The following ABHD17C variants were observed in gnomAD, a reference collection of about 807,000 sequenced individuals.
The protein encoded by ABHD17C is alpha/beta hydrolase domain-containing protein 17C.
A neutral mutation model predicts 27.9 loss-of-function variants in ABHD17C; 11 were observed. The ratio of observed to expected loss-of-function variants is 0.39; its 90% CI spans 0.25 to 0.65. The LOEUF (loss-of-function observed/expected upper bound fraction) is 0.65. Ranked by LOEUF, ABHD17C falls within the 30% of genes least tolerant of loss-of-function variation. The probability of loss-of-function intolerance (pLI) is 0.45; values close to 1 mark genes in which losing one functional copy is unlikely to be tolerated. For synonymous variants in ABHD17C, 233 were observed against 209.1 expected (o/e 1.11, Z -0.98); for missense variants, 280 against 470.2 (o/e 0.60, Z 3.74).
At chr15:80,705,333 T>TTTTGTGTGTGTGTG (rs10523879) in intron 1 of ABHD17C, among the ~76,000 whole-genome samples, 7 of 106,822 alleles carry the variant, frequency 6.6e-5, no homozygotes, top group Admixed American at 9.9e-5. Context: ...TTCCTATGAT[T>TTTTGTGTGTGTGTG]TGTGTGTGTG....
intron 1 of ABHD17C, among the ~76,000 whole-genome samples, chr15:80,709,034 G>T (rs546980571): frequency 7.9e-5 from 12 of 152,290 alleles, no homozygotes; most frequent in African/African-American, 2.9e-4. Context: ...GGAAGTTTCT[G>T]CGAATCTCCT....
intron 2 of ABHD17C, among the ~76,000 whole-genome samples, chr15:80,752,863 G>A (rs1567040282): frequency 1.3e-5 from 2 of 152,114 alleles, no homozygotes; most frequent in Non-Finnish European, 2.9e-5. Context: ...TTCCTCTTTT[G>A]GATATGCTTT....
Position 80,754,527 on chromosome 15 carries a change from GTAT to G in ABHD17C, c.*158_*160del, listed in dbSNP as rs1895409151. On this transcript the variant is annotated 3_prime_UTR_variant, in exon 3 of 3. Transcript: ENST00000258884. ...AGAGCTGATGAAATCTCAGTCTTTTGTATCTAGAGGTGGTTCTGCTAATTCACA... is the reference window on the plus strand; with the variant it reads ...AGAGCTGATGAAATCTCAGTCTTTTGCTAGAGGTGGTTCTGCTAATTCACA... The G allele has an allele frequency of 1.6e-6, 1 of 629,312 alleles. No individual in the cohort carries two copies. Among genetic ancestry groups the G allele is most frequent in the Non-Finnish European group, 2.7e-6 (1 of 366,210 alleles). 39.0% of individuals were successfully genotyped at this position (629,312 alleles called of 1,614,324 possible). A position where few individuals can be genotyped will look rare whatever the true frequency, so the allele number is the denominator to read the frequency against.
rs1895416384 is a variant in ABHD17C, at chr15:80,755,125, T to G, written c.*755T>G. On this transcript the variant is annotated 3_prime_UTR_variant, in exon 3 of 3. Transcript: ENST00000258884. ...AGTACTGTACATATTTGCAATCACA[T>G]TGTGCATAGATTCTTAATGGTAGAT... 1 of 152,198 alleles carries G rather than the reference T, an allele frequency of 6.6e-6. No homozygotes were observed. The highest frequency in any genetic ancestry group is 2.4e-5 in the African/African-American group (1 of 41,452). The allele number at this position is 152,198 out of a possible 1,614,324, so 9.4% of individuals were successfully genotyped here.
chr15:80,732,747 G>T (rs190962230), intron 1 of ABHD17C, among the ~76,000 whole-genome samples: 1 of 152,312 alleles, frequency 6.6e-6, no homozygotes, highest in African/African-American at 2.4e-5. Flanking sequence ...CCAGCGGAAA[G>T]TGTCTGTTTA....
At chr15:80,734,140 A>G (rs1024797252) in intron 1 of ABHD17C, among the ~76,000 whole-genome samples, 4 of 152,204 alleles carry the variant, frequency 2.6e-5, no homozygotes, top group Middle Eastern at 6.8e-3. Flanking sequence ...GTGCACCACC[A>G]TGCCGGACTA....
At chr15:80,711,462 T>C (rs575697534) in intron 1 of ABHD17C, among the ~76,000 whole-genome samples, 19 of 152,200 alleles carry the variant, frequency 1.2e-4, no homozygotes, top group Non-Finnish European at 2.2e-4. Flanking sequence ...CCGCAGGTGA[T>C]TTCCCATAGG....
intron 1 of ABHD17C, among the ~76,000 whole-genome samples, chr15:80,749,096 C>T (rs1449172910): frequency 3.3e-5 from 5 of 151,988 alleles, no homozygotes; most frequent in East Asian, 1.9e-4. Context: ...AACTTTGCTT[C>T]GAGTTTTTAA....
chr15:80,726,092 G>C (rs142960579), intron 1 of ABHD17C, among the ~76,000 whole-genome samples: 13,480 of 152,336 alleles, frequency 0.088, 851 homozygotes, highest in Middle Eastern at 0.17. Context: ...GGGAAACAAA[G>C]GGATGGGCCA....
chr15:80,749,366 C>A (rs1895336741), intron 1 of ABHD17C, 147 bp from the exon 2 acceptor site: 1 of 730,728 alleles, frequency 1.4e-6, no homozygotes, highest in Non-Finnish European at 2.1e-6. Context: ...AGCTCACATT[C>A]ATCTTAAACT....
At position 80,744,101 on chromosome 15, in the gene ABHD17C, T is replaced by C. The variant is rs189266742; in HGVS notation, c.591-5412T>C. The stretch of plus-strand genomic sequence containing the variant: ...TCACACAAACTTAATTCATTGTCTC[T>C]TTTTTCCCCCCTCTGTCTTTTATGT... On this transcript the variant is annotated intron_variant, in intron 1 of 2. Coordinates refer to ENST00000258884, the MANE Select transcript of ABHD17C (RefSeq NM_021214.2). Among the ~76,000 whole-genome samples, 126 of 152,094 alleles carry C rather than the reference T, an allele frequency of 8.3e-4. 1 individual carries two copies. The highest frequency in any genetic ancestry group is 8.5e-4 in the Admixed American group (13 of 15,302).
chr15:80,719,522 G>C (rs146823391), intron 1 of ABHD17C, among the ~76,000 whole-genome samples: 22 of 152,280 alleles, frequency 1.4e-4, no homozygotes, highest in African/African-American at 5.3e-4. Context: ...AGTCACAAGT[G>C]ACTTTCCATT....
intron 1 of ABHD17C, among the ~76,000 whole-genome samples, chr15:80,744,481 C>T (rs1250567079): frequency 1.3e-5 from 2 of 152,184 alleles, no homozygotes; most frequent in African/African-American, 2.4e-5. Context: ...GAATTATCTA[C>T]CTCCTTGGTT....
chr15:80,754,025 A>G (rs1040757847), intron 2 of ABHD17C, 126 bp from the exon 3 acceptor site: 2 of 801,872 alleles, frequency 2.5e-6, no homozygotes, highest in Admixed American at 5.7e-5. Flanking sequence ...AAAACAAACA[A>G]AAAAAACCCA....
chr15:80,706,371 G>A (rs543878878), intron 1 of ABHD17C, among the ~76,000 whole-genome samples: 39 of 152,284 alleles, frequency 2.6e-4, no homozygotes, highest in South Asian at 1.2e-3. Context: ...ACGGTTGTAC[G>A]TCAATTACTT....
At chr15:80,726,294 G>T (rs1894974113) in intron 1 of ABHD17C, among the ~76,000 whole-genome samples, 1 of 152,144 alleles carries the variant, frequency 6.6e-6, no homozygotes, top group South Asian at 2.1e-4. Flanking sequence ...GGGCCACCAT[G>T]AACATGTTAC....
At chr15:80,725,982 C>T (rs1487328825) in intron 1 of ABHD17C, among the ~76,000 whole-genome samples, 3 of 152,130 alleles carry the variant, frequency 2.0e-5, no homozygotes, top group South Asian at 2.1e-4. Context: ...CCTTCAGAGC[C>T]GAGAGCCCCG....
At position 80,755,421 on chromosome 15, in the gene ABHD17C, T is replaced by G. The variant is rs1484973075; in HGVS notation, c.*1051T>G. 6.6e-6 allele frequency: 1 copy of G among 152,220 alleles called. No homozygotes were observed. Among genetic ancestry groups the G allele is most frequent in the African/African-American group, 2.4e-5 (1 of 41,450 alleles). 9.4% of individuals were successfully genotyped at this position (152,220 alleles called of 1,614,324 possible). On this transcript the variant is annotated 3_prime_UTR_variant, in exon 3 of 3. Coordinates refer to ENST00000258884, the MANE Select transcript of ABHD17C (RefSeq NM_021214.2). ...ATCAGAAATAGGAGATGCTTAACATTGCTATACTACTTGTGTTGGTTAGGG... is the reference window on the plus strand; with the variant it reads ...ATCAGAAATAGGAGATGCTTAACATGGCTATACTACTTGTGTTGGTTAGGG...
At chr15:80,705,979 G>T (rs1894642942) in intron 1 of ABHD17C, among the ~76,000 whole-genome samples, 1 of 152,180 alleles carries the variant, frequency 6.6e-6, no homozygotes, top group South Asian at 2.1e-4. Flanking sequence ...TTGGAGCTGG[G>T]CAGGAATCAG....
Sources: allele counts gnomAD v4.1 joint callset (sites outside exome capture counted in the v4.1 genomes callset), GRCh38; gene constraint gnomAD v4.1.1; transcripts MANE v1.5; gene names NCBI Gene and HGNC (gene_info 2026-07-23, HGNC 2026-07-21).